The following TTC7A variants were observed in gnomAD, a reference collection of about 807,000 sequenced individuals.
TTC7A encodes tetratricopeptide repeat protein 7A.
A neutral mutation model predicts 103.7 loss-of-function variants in TTC7A; 110 were observed. The observed-to-expected ratio is 1.06, with a 90% CI of 0.91 to 1.24. TTC7A has a LOEUF of 1.24. Ranked by LOEUF, TTC7A falls within the 50% of genes most tolerant of loss-of-function variation. The pLI, the probability that TTC7A is intolerant of heterozygous loss-of-function variation, is 0.00. For synonymous variants in TTC7A, 521 were observed against 467.9 expected (o/e 1.11, Z -1.47); for missense variants, 1,340 against 1,116.3 (o/e 1.20, Z -2.86).
Position 47,060,930 on chromosome 2 carries a change from C to T in TTC7A, c.2314C>T (p.Leu772Phe). ...EEAKQLYKEALTVNPDGVRIM... is the reference protein window; with the variant it reads ...EEAKQLYKEAFTVNPDGVRIM... ...GGCCAAGCAGCTGTACAAGGAGGCG[C>T]TCACGGTGAACCCAGATGGCGTGCG... The change falls in exon 19 of 20, where the codon CTC becomes TTC. Residue 772 changes from leucine to phenylalanine, a missense_variant. Physicochemically the swap from Leu to Phe is conservative, Grantham distance 22. Transcript: ENST00000319190. 1.2e-6 allele frequency: 2 copies of T among 1,614,100 alleles called. No homozygotes were observed. Among genetic ancestry groups the T allele is most frequent in the Non-Finnish European group, 1.7e-6 (2 of 1,179,996 alleles).
In TTC7A at chr2:46,975,062, GCCT is replaced by G; in HGVS notation, c.611_613del (p.Ser204del). The G allele has an allele frequency of 6.2e-7, 1 of 1,613,984 alleles. No homozygotes were observed. The highest frequency in any genetic ancestry group is 8.5e-7 in the Non-Finnish European group (1 of 1,179,892). On this transcript the variant is annotated inframe_deletion, in exon 4 of 20. Transcript: ENST00000319190. ...GGAAGTGATCACCTGTTTTGAGAGG[GCCT>G]CCTGGATCGCTCAGGTGTTCCTGCA...
At position 46,995,306 on chromosome 2, in the gene TTC7A, C is replaced by T. The variant is rs926854199; in HGVS notation, c.1065+107C>T. The T allele has an allele frequency of 1.0e-4, 107 of 1,069,884 alleles. 1 individual carries two copies. The East Asian group carries it at 2.7e-3, about 27-fold the overall frequency. 66.3% of individuals were successfully genotyped at this position (1,069,884 alleles called of 1,614,324 possible). On this transcript the variant is annotated intron_variant, in intron 8 of 19. Transcript: ENST00000319190. ...CGTGACCTAGCCAAACTCTGTCTCC[C>T]AGGGATACTCCTAAAGTAGATGCTT... is the stretch of plus-strand genomic sequence containing the variant.
chr2:47,013,819 G>A (rs114004382), intron 11 of TTC7A, among the ~76,000 whole-genome samples: 28 of 152,296 alleles, frequency 1.8e-4, no homozygotes, highest in South Asian at 6.2e-4. Flanking sequence ...CATCAGAATC[G>A]AGGAGAAGGG....
At chr2:47,022,051 G>A in intron 12 of TTC7A, 72 bp downstream of exon 12, 1 of 1,123,316 alleles carries the variant, frequency 8.9e-7, no homozygotes, top group Middle Eastern at 2.9e-4. Flanking sequence ...GAGGCATCTT[G>A]TCCTACCGGC....
At chr2:47,063,138 A>C (rs1186555012) in intron 19 of TTC7A, among the ~76,000 whole-genome samples, 3 of 152,264 alleles carry the variant, frequency 2.0e-5, no homozygotes, top group African/African-American at 7.2e-5. Context: ...CCTGAGGCTC[A>C]GGACATCTGG....
intron 3 of TTC7A, among the ~76,000 whole-genome samples, chr2:46,961,973 T>C (rs988523583): frequency 6.6e-5 from 10 of 152,334 alleles, no homozygotes; most frequent in African/African-American, 2.2e-4. Context: ...CTGTCTGCAG[T>C]GCTGCCCACT....
At chr2:47,050,152 A>G (rs1682735041) in intron 17 of TTC7A, 106 bp downstream of exon 17, 1 of 973,348 alleles carries the variant, frequency 1.0e-6, no homozygotes. Context: ...CAGCCGGGCC[A>G]AGCCCACCAC....
chr2:46,931,914 C>T (rs1484877363), intron 2 of TTC7A, among the ~76,000 whole-genome samples: 1 of 152,114 alleles, frequency 6.6e-6, no homozygotes, highest in Non-Finnish European at 1.5e-5. Context: ...GAAATTAATA[C>T]AACTAAGTTG....
chr2:46,968,449 A>G (rs1572756940), intron 3 of TTC7A, among the ~76,000 whole-genome samples: 1 of 152,078 alleles, frequency 6.6e-6, no homozygotes. Context: ...AAGAAAAGAA[A>G]CCCAAGCCTG....
chr2:46,930,741 C>T (rs1669656066), intron 2 of TTC7A, among the ~76,000 whole-genome samples: 1 of 152,048 alleles, frequency 6.6e-6, no homozygotes, highest in Non-Finnish European at 1.5e-5. Context: ...CTCAGGTGAT[C>T]CACCCGCCTC....
At chr2:46,994,817 G>A (rs1041116121) in intron 7 of TTC7A, among the ~76,000 whole-genome samples, 1 of 152,158 alleles carries the variant, frequency 6.6e-6, no homozygotes, top group Non-Finnish European at 1.5e-5. Flanking sequence ...TCGAAGGTGC[G>A]GTCTGTAGCC....
chr2:46,954,402 A>G (rs1000198932), intron 2 of TTC7A, among the ~76,000 whole-genome samples: 6 of 152,098 alleles, frequency 3.9e-5, no homozygotes, highest in African/African-American at 7.2e-5. Flanking sequence ...ATTCAAATGC[A>G]TGGGCCCCAC....
Position 46,941,651 on chromosome 2 carries a change from A to C in TTC7A, c.110A>C (p.Gln37Pro). 1 of 1,552,614 alleles carries C rather than the reference A, an allele frequency of 6.4e-7. No homozygotes were observed. Among genetic ancestry groups the C allele is most frequent in the Non-Finnish European group, 8.7e-7 (1 of 1,148,416 alleles). The part of the protein sequence containing the change: ...DRMPELVRQL[Q>P]TLSMPGGGGN... ...ATGCCGGAGCTGGTCCGGCAGCTGC[A>C]GACGCTGAGCATGCCCGGCGGCGGA... is the stretch of plus-strand genomic sequence containing the variant. Residue 37 changes from glutamine (Q) to proline (P), a missense_variant, in exon 1 of 20, where the codon CAG (glutamine) becomes CCG (proline). Gln to Pro is a moderately conservative substitution (Grantham distance 76). Coordinates refer to ENST00000319190, the MANE Select transcript of TTC7A (RefSeq NM_020458.4). The surrounding 1 kb of genome is among the most constrained non-coding windows in gnomAD (Gnocchi z 4.2).
At position 47,007,772 on chromosome 2, in the gene TTC7A, G is replaced by T. The variant is rs1021592291; in HGVS notation, c.1287+1048G>T. Among the ~76,000 whole-genome samples, 1 of 152,176 alleles carries T rather than the reference G, an allele frequency of 6.6e-6. No individual in the cohort carries two copies. On this transcript the variant is annotated intron_variant, in intron 10 of 19. Coordinates refer to ENST00000319190, the MANE Select transcript of TTC7A (RefSeq NM_020458.4). The surrounding 1 kb of genome is among the most constrained non-coding windows in gnomAD (Gnocchi z 4.9). ...TTCCCTACCCCCATCTGCTGGGCAT[G>T]TGTCTTTCCAAACCTCTCTCCTCTC... is the stretch of plus-strand genomic sequence containing the variant.
intron 5 of TTC7A, among the ~76,000 whole-genome samples, chr2:46,985,786 C>T (rs907039677): frequency 1.3e-5 from 2 of 152,198 alleles, no homozygotes; most frequent in Non-Finnish European, 1.5e-5. Context: ...ACAGTGATAT[C>T]CTCGTAGGTG....
chr2:47,035,478 A>G (rs1030238002), intron 15 of TTC7A: 3 of 152,210 alleles, frequency 2.0e-5, no homozygotes, highest in African/African-American at 7.2e-5. Flanking sequence ...GACATTCAGC[A>G]TTTCCCTTCG....
chr2:46,998,815 TG>T (rs1371325106), intron 8 of TTC7A, among the ~76,000 whole-genome samples: 1 of 152,170 alleles, frequency 6.6e-6, no homozygotes, highest in East Asian at 1.9e-4. Flanking sequence ...ACCTTGGATA[TG>T]GTTTTTATTA....
At chr2:46,984,116 G>A (rs1243451652) in intron 5 of TTC7A, among the ~76,000 whole-genome samples, 1 of 152,240 alleles carries the variant, frequency 6.6e-6, no homozygotes, top group East Asian at 1.9e-4. Context: ...TTCACAGATG[G>A]GAAATCGAGG....
At chr2:46,972,538 G>A (rs550119645) in intron 3 of TTC7A, among the ~76,000 whole-genome samples, 24 of 152,316 alleles carry the variant, frequency 1.6e-4, no homozygotes, top group Non-Finnish European at 3.2e-4. Context: ...TGGAAAGAGC[G>A]ACAATTCTAA....
Sources: gnomAD v4.1 joint callset for allele counts (sites outside exome capture counted in the v4.1 genomes callset) on GRCh38, gnomAD v4.1.1 for gene constraint, Gnocchi (gnomAD v3.1) non-coding constraint, MANE v1.5 for transcripts, NCBI Gene and HGNC (gene_info 2026-07-23, HGNC 2026-07-21) for gene names.